Variants in HEG1 observed in about 807,000 individuals in gnomAD.
HEG1 encodes the protein heart development protein with EGF like domains 1.
A neutral mutation model predicts 125.6 loss-of-function variants in HEG1; 56 were observed. That is an observed-to-expected ratio of 0.45 (90% CI 0.36 to 0.56). The LOEUF (loss-of-function observed/expected upper bound fraction) is 0.56, where lower values mean the gene tolerates loss of function less well. Among genes scored for constraint, HEG1 ranks in the 20% least tolerant of loss-of-function variants. HEG1 has a pLI of 0.00. For synonymous variants in HEG1, 644 were observed against 668.5 expected (o/e 0.96, Z 0.57); for missense variants, 1,523 against 1,670.0 (o/e 0.91, Z 1.53).
At chr3:125,050,793 A>ATAT in intron 1 of HEG1, among the ~76,000 whole-genome samples, 1 of 152,378 alleles carries the variant, frequency 6.6e-6, no homozygotes, top group South Asian at 2.1e-4. Context: ...TTGATTTACA[A>ATAT]ATCAGTCCAA....
At chr3:125,025,315 C>T (rs1937400472) in intron 3 of HEG1, among the ~76,000 whole-genome samples, 2 of 152,194 alleles carry the variant, frequency 1.3e-5, no homozygotes, top group African/African-American at 2.4e-5. Context: ...TTCAGACATA[C>T]TTGGATGCCT....
At chr3:125,055,441 C>G (rs370428546) in intron 1 of HEG1, 134 bp downstream of exon 1, 2 of 528,958 alleles carry the variant, frequency 3.8e-6, no homozygotes, top group African/African-American at 2.0e-5. Context: ...CTCAGGGTCC[C>G]GCACACGCCG....
chr3:125,037,359 G>A (rs140376296), intron 1 of HEG1, among the ~76,000 whole-genome samples: 7 of 152,358 alleles, frequency 4.6e-5, no homozygotes, highest in Non-Finnish European at 8.8e-5. Flanking sequence ...CCTAAGGTAG[G>A]TGAAGTCTGT....
In HEG1 at chr3:125,019,379, A is replaced by G; in HGVS notation, c.1471T>C (p.Ser491Pro). Residue 491 changes from serine (S) to proline (P), a missense_variant, in exon 5 of 17, where the codon TCT becomes CCT. Coordinates refer to ENST00000311127, the MANE Select transcript of HEG1 (RefSeq NM_020733.2). ...TGACTTCCTCCAGACTGTACAGTAG[A>G]GTCTGAGAACTGGGTCAACACTGAA... ...NASVLTQFSD[S>P]TVQSGGSHTA... 6.2e-7 allele frequency: 1 copy of G among 1,614,056 alleles called. No homozygotes were observed. The highest frequency in any genetic ancestry group is 2.2e-5 in the East Asian group (1 of 44,886).
At position 124,967,343 on chromosome 3, in the gene HEG1, G is replaced by A. The variant is rs922065490; in HGVS notation, c.*3309C>T. 1 of 151,992 alleles carries A rather than the reference G, an allele frequency of 6.6e-6. No individual in the cohort carries two copies. The highest frequency in any genetic ancestry group is 1.5e-5 in the Non-Finnish European group (1 of 68,020). The allele number at this position is 151,992 out of a possible 1,614,324, so 9.4% of individuals were successfully genotyped here. The stretch of plus-strand genomic sequence containing the variant: ...CTTCCACTTCCTATACCAAAGCCAC[G>A]TGCCAGTGTGCTTCTTGCTGAGCAC... On this transcript the variant is annotated 3_prime_UTR_variant, in exon 17 of 17. Coordinates refer to ENST00000311127, the MANE Select transcript of HEG1 (RefSeq NM_020733.2).
intron 16 of HEG1, among the ~76,000 whole-genome samples, chr3:124,971,829 C>T (rs1447200959): frequency 2.3e-5 from 3 of 131,520 alleles, no homozygotes; most frequent in African/African-American, 6.0e-5. Flanking sequence ...TGCTCTATTG[C>T]CCAGCCTGGA....
intron 1 of HEG1, among the ~76,000 whole-genome samples, chr3:125,029,781 T>C (rs1001695785): frequency 1.6e-4 from 24 of 152,100 alleles, no homozygotes; most frequent in African/African-American, 5.1e-4. Flanking sequence ...AATCCCATCT[T>C]CTAGGGAGGC....
intron 1 of HEG1, among the ~76,000 whole-genome samples, chr3:125,054,614 G>C (rs1215239030): frequency 1.3e-5 from 2 of 152,192 alleles, no homozygotes; most frequent in Non-Finnish European, 2.9e-5. Flanking sequence ...TATTTGAATA[G>C]CCCGGACAGA....
At chr3:125,026,957 G>A (rs145857701) in intron 3 of HEG1, among the ~76,000 whole-genome samples, 21 of 152,278 alleles carry the variant, frequency 1.4e-4, no homozygotes, top group African/African-American at 4.6e-4. Flanking sequence ...CTGAGATCGC[G>A]TCACTGTACT....
intron 1 of HEG1, among the ~76,000 whole-genome samples, chr3:125,030,063 A>C (rs567489114): frequency 1.3e-5 from 2 of 152,356 alleles, no homozygotes; most frequent in South Asian, 2.1e-4. Context: ...TGGAAGAGCA[A>C]CTGAACCTCT....
chr3:125,001,995 A>T lies in HEG1; in HGVS notation c.3374T>A (p.Val1125Glu). 6.2e-7 allele frequency: 1 copy of T among 1,613,964 alleles called. No individual in the cohort carries two copies. The highest frequency in any genetic ancestry group is 1.1e-5 in the South Asian group (1 of 91,064). Residue 1125 changes from valine (V) to glutamate (E), a missense_variant, in exon 11 of 17, where the codon GTG becomes GAG. Transcript: ENST00000311127. ...GGAAAAGGTTGTTTGCAGTGAGATC[A>T]CCACCGCGTTGGACTCCCTATAGGC... The part of the protein sequence containing the change: ...VHASRESNAV[V>E]ISLQTTFSLA...
At chr3:125,016,327 A>G (rs1167319876) in intron 5 of HEG1, among the ~76,000 whole-genome samples, 1 of 152,186 alleles carries the variant, frequency 6.6e-6, no homozygotes, top group African/African-American at 2.4e-5. Context: ...TATTGTGTTA[A>G]CCCACAGTGA....
chr3:125,031,377 A>G (rs1430729656), intron 1 of HEG1, among the ~76,000 whole-genome samples: 1 of 152,172 alleles, frequency 6.6e-6, no homozygotes, highest in Non-Finnish European at 1.5e-5. Context: ...GGAATCCAAT[A>G]TCAAATATGG....
intron 1 of HEG1, among the ~76,000 whole-genome samples, chr3:125,046,267 A>G (rs1305552633): frequency 6.6e-6 from 1 of 152,122 alleles, no homozygotes; most frequent in Non-Finnish European, 1.5e-5. Flanking sequence ...CCAAGTGAGT[A>G]TGGTCCTCTT....
At chr3:124,992,053 G>A (rs1936842704) in intron 12 of HEG1, among the ~76,000 whole-genome samples, 1 of 152,118 alleles carries the variant, frequency 6.6e-6, no homozygotes, top group Admixed American at 6.6e-5. Context: ...CCTGATAATG[G>A]CCCTGCTGAC....
At chr3:125,014,903 G>A in intron 5 of HEG1, 4 of 1,289,884 alleles carry the variant, frequency 3.1e-6, no homozygotes, top group Non-Finnish European at 4.0e-6. Context: ...CGTTTCCAGT[G>A]ACAGTAGCCA....
chr3:125,041,713 A>G (rs1937594917), intron 1 of HEG1, among the ~76,000 whole-genome samples: 1 of 152,266 alleles, frequency 6.6e-6, no homozygotes, highest in Non-Finnish European at 1.5e-5. Flanking sequence ...CTATCAGTAG[A>G]TGAAAGGATA....
Position 125,013,276 on chromosome 3 carries a change from G to A in HEG1, c.2303C>T (p.Thr768Ile), listed in dbSNP as rs1937185767. 6.2e-7 allele frequency: 1 copy of A among 1,614,048 alleles called. No homozygotes were observed. Among genetic ancestry groups the A allele is most frequent in the East Asian group, 2.2e-5 (1 of 44,890 alleles). Residue 768 changes from threonine (T) to isoleucine (I), a missense_variant, in exon 6 of 17, where the codon ACA becomes ATA. Physicochemically the swap from Thr to Ile is moderately conservative, Grantham distance 89 (BLOSUM62 -1). Transcript: ENST00000311127. ...TGCAGTTTGACTACTATGGAGCATT[G>A]TCATGAATGATGTCATTGTTGATGT... ...FQTSTMTSFM[T>I]MLHSSQTADL...
intron 14 of HEG1, among the ~76,000 whole-genome samples, chr3:124,988,979 A>C (rs1310059930): frequency 6.6e-6 from 1 of 152,186 alleles, no homozygotes; most frequent in East Asian, 1.9e-4. Flanking sequence ...ATGACTATAA[A>C]TATAATTGCT....
Sources: allele counts gnomAD v4.1 joint callset (sites outside exome capture counted in the v4.1 genomes callset), GRCh38; gene constraint gnomAD v4.1.1; transcripts MANE v1.5; gene names NCBI Gene and HGNC (gene_info 2026-07-23, HGNC 2026-07-21).